ADCY9: variants seen among roughly 807,000 people sequenced by gnomAD.
ADCY9 encodes adenylate cyclase 9.
Under a neutral mutation model 101.5 loss-of-function variants are expected in ADCY9, and 50 were observed. That is an observed-to-expected ratio of 0.49 (90% confidence interval 0.39 to 0.62). The LOEUF (loss-of-function observed/expected upper bound fraction) is 0.62, where lower values mean the gene tolerates loss of function less well. Ranked by LOEUF, ADCY9 falls within the 20% of genes least tolerant of loss-of-function variation. The pLI, the probability that ADCY9 is intolerant of heterozygous loss-of-function variation, is 0.00. For synonymous variants in ADCY9, 905 were observed against 769.3 expected (o/e 1.18, Z -2.92); for missense variants, 1,662 against 1,800.4 (o/e 0.92, Z 1.39).
At chr16:4,010,912 A>ACAC (rs752746195) in intron 2 of ADCY9, among the ~76,000 whole-genome samples, 177 of 152,310 alleles carry the variant, frequency 1.2e-3, no homozygotes, top group Non-Finnish European at 1.8e-3. Flanking sequence ...CTTGCCCTCC[A>ACAC]GTTTCCTTCT....
chr16:4,048,370 C>A (rs1041245484), intron 2 of ADCY9, among the ~76,000 whole-genome samples: 10 of 152,182 alleles, frequency 6.6e-5, no homozygotes, highest in South Asian at 4.1e-4. Context: ...TAGTTCCATA[C>A]ACTTACTGTG....
rs1275897283 is a variant in ADCY9, at chr16:4,041,417, T to G, written c.1694-33859A>C. ...TACTTGGGAGCCTGAAGCAGGAGGA[T>G]CACTTAAACCCAGGAGGCAGAAGTT... On this transcript the variant is annotated intron_variant, in intron 2 of 10. Coordinates refer to ENST00000294016, the MANE Select transcript of ADCY9 (RefSeq NM_001116.4). Among the ~76,000 whole-genome samples, 4 of 144,800 alleles carry G rather than the reference T, an allele frequency of 2.8e-5. No homozygotes were observed. The East Asian group carries it at 8.1e-4, about 29-fold the overall frequency. The allele number at this position is 144,800 out of a possible 152,430, so 95.0% of individuals were successfully genotyped here. A position where few individuals can be genotyped will look rare whatever the true frequency, so the allele number is the denominator to read the frequency against.
At chr16:4,001,086 C>T (rs955237713) in intron 3 of ADCY9, among the ~76,000 whole-genome samples, 1 of 151,770 alleles carries the variant, frequency 6.6e-6, no homozygotes, top group African/African-American at 2.4e-5. Context: ...TGCATATATC[C>T]TCCGTACATA....
chr16:4,060,887 C>T (rs1284066706), intron 2 of ADCY9, among the ~76,000 whole-genome samples: 1 of 152,020 alleles, frequency 6.6e-6, no homozygotes, highest in African/African-American at 2.4e-5. Context: ...TAAGGGGGCC[C>T]AGATATTGGA....
chr16:4,030,910 C>T (rs1567445303), intron 2 of ADCY9, among the ~76,000 whole-genome samples: 1 of 152,054 alleles, frequency 6.6e-6, no homozygotes. Context: ...TGTGATAATT[C>T]TTCAAACTGT....
chr16:4,114,189 G>GA lies in ADCY9; in HGVS notation c.1253dup (p.Leu419ProfsTer13). On this transcript the variant is annotated frameshift_variant, in exon 2 of 11. Coordinates refer to ENST00000294016, the MANE Select transcript of ADCY9 (RefSeq NM_001116.4). LOFTEE classifies it high-confidence loss of function. This position sits in a 1 kb window ranked among gnomAD's most constrained non-coding sequence, Gnocchi z 4.3. ...CGAAGCGACCGAACAGATCGTTCAG[G>GA]AGACCCACCAGGGCGTGGGCAGACT... The GA allele has an allele frequency of 6.2e-7, 1 of 1,613,984 alleles. No homozygotes were observed. Among genetic ancestry groups the GA allele is most frequent in the Non-Finnish European group, 8.5e-7 (1 of 1,180,044 alleles).
intron 2 of ADCY9, among the ~76,000 whole-genome samples, chr16:4,024,103 A>G (rs540173502): frequency 6.6e-5 from 10 of 151,456 alleles, no homozygotes; most frequent in African/African-American, 2.4e-4. Context: ...GCTCACTGCA[A>G]CCTCCGCCTC....
chr16:4,080,196 T>A lies in ADCY9; in HGVS notation c.1693+33554A>T, dbSNP rs560096325. Among the ~76,000 whole-genome samples, 755 of 151,952 alleles carry A rather than the reference T, an allele frequency of 5.0e-3. 5 individuals carry two copies. Among genetic ancestry groups the A allele is most frequent in the African/African-American group, 0.017 (725 of 41,460 alleles). ...ACATCAATTTTAACAAAGAAAAAAA[T>A]TACCACCTGTACCTAAGAATTTAAA... is the stretch of plus-strand genomic sequence containing the variant. On this transcript the variant is annotated intron_variant, in intron 2 of 10. Coordinates refer to ENST00000294016, the MANE Select transcript of ADCY9 (RefSeq NM_001116.4).
At chr16:4,090,573 G>A (rs965194262) in intron 2 of ADCY9, among the ~76,000 whole-genome samples, 2 of 152,034 alleles carry the variant, frequency 1.3e-5, no homozygotes, top group Non-Finnish European at 2.9e-5. Context: ...CAGCCAGCAG[G>A]CAGAGTCCTG....
chr16:4,027,938 A>G (rs1328365411), intron 2 of ADCY9, among the ~76,000 whole-genome samples: 1 of 152,008 alleles, frequency 6.6e-6, no homozygotes, highest in African/African-American at 2.4e-5. Flanking sequence ...CTATCACGAG[A>G]ACAGCATGGG....
intron 2 of ADCY9, among the ~76,000 whole-genome samples, chr16:4,064,791 T>G (rs1205654011): frequency 1.3e-5 from 2 of 152,062 alleles, no homozygotes; most frequent in East Asian, 3.9e-4. Flanking sequence ...CAACGTGGTT[T>G]TTGTTTGCTT....
At chr16:4,003,563 CTTTTTTTTT>C (rs34344577) in intron 3 of ADCY9, among the ~76,000 whole-genome samples, 1 of 124,486 alleles carries the variant, frequency 8.0e-6, no homozygotes. Context: ...TCTTTCTTTT[CTTTTTTTTT>C]TTTTTTTTTT....
chr16:4,000,964 T>TACACACACACACACACACA (rs1284156698), intron 3 of ADCY9, among the ~76,000 whole-genome samples: 10 of 44,938 alleles, frequency 2.2e-4, no homozygotes, highest in Admixed American at 1.3e-3. Flanking sequence ...TCCATCCCTC[T>TACACACACACACACACACA]CTCTACACAC....
At chr16:4,055,464 G>C (rs993755085) in intron 2 of ADCY9, among the ~76,000 whole-genome samples, 4 of 151,916 alleles carry the variant, frequency 2.6e-5, no homozygotes, top group African/African-American at 9.7e-5. Context: ...AACCCAGGAG[G>C]TAGAGGTTGC....
Position 4,115,125 on chromosome 16 carries a change from C to G in ADCY9, c.318G>C (p.Glu106Asp), listed in dbSNP as rs1334856634. The stretch of plus-strand genomic sequence containing the variant: ...GGCGCTGGGTCTGCGGGAAGCAGCG[C>G]TCCAGGCAGGCCTCCTCCAGGTTCA... ...DSVNLEEACL[E>D]RCFPQTQRRF... Residue 106 changes from glutamate (E) to aspartate (D), a missense_variant, in exon 2 of 11, where the codon GAG (glutamate) becomes GAC (aspartate). Physicochemically the swap from Glu to Asp is conservative, Grantham distance 45. Around this residue, in one of 5 missense-constraint regions of ADCY9, gnomAD observed 422 missense variants for 392.0 expected, o/e 1.08. Coordinates refer to ENST00000294016, the MANE Select transcript of ADCY9 (RefSeq NM_001116.4). The surrounding 1 kb of genome is among the most constrained non-coding windows in gnomAD (Gnocchi z 6.2). 1 of 1,613,878 alleles carries G rather than the reference C, an allele frequency of 6.2e-7. No individual in the cohort carries two copies. Among genetic ancestry groups the G allele is most frequent in the Non-Finnish European group, 8.5e-7 (1 of 1,180,040 alleles).
rs539346849 is a variant in ADCY9, at chr16:4,100,094, C to T, written c.1693+13656G>A. Among the ~76,000 whole-genome samples the T allele has an allele frequency of 2.0e-4, 31 of 152,224 alleles. 1 individual carries two copies. The South Asian group carries it at 6.4e-3, about 32-fold the overall frequency. ...GATCATGGGGGTGGTTTCCCCCATG[C>T]TGTTCTCGTGAGAGTGAGGGAGTTC... On this transcript the variant is annotated intron_variant, in intron 2 of 10. Coordinates refer to ENST00000294016, the MANE Select transcript of ADCY9 (RefSeq NM_001116.4).
intron 2 of ADCY9, among the ~76,000 whole-genome samples, chr16:4,054,508 G>C (rs1157676885): frequency 6.6e-6 from 1 of 152,032 alleles, no homozygotes; most frequent in Non-Finnish European, 1.5e-5. Flanking sequence ...CTTCTTGCTG[G>C]AGGTATTAGA....
chr16:3,958,022 G>C (rs138244924), downstream of ADCY9, among the ~76,000 whole-genome samples: 438 of 152,282 alleles, frequency 2.9e-3, 2 homozygotes, highest in African/African-American at 9.8e-3. Context: ...AGGGCAGCTG[G>C]AGGCCGGGCT....
chr16:3,982,887 T>C (rs1394396356), intron 7 of ADCY9: 7 of 294,526 alleles, frequency 2.4e-5, no homozygotes, highest in African/African-American at 1.1e-4. Flanking sequence ...CCAGGCCCAC[T>C]ACCCCCGCTC....
Sources: gnomAD v4.1 joint callset for allele counts (sites outside exome capture counted in the v4.1 genomes callset) on GRCh38, gnomAD v4.1.1 for gene constraint, gnomAD v4.1.1 regional missense constraint, Gnocchi (gnomAD v3.1) non-coding constraint, MANE v1.5 for transcripts, NCBI Gene and HGNC (gene_info 2026-07-23, HGNC 2026-07-21) for gene names.